KLHL6: variants seen among roughly 807,000 people sequenced by gnomAD.
KLHL6 encodes the protein kelch like family member 6, also known as kelch-like protein 6.
In KLHL6, 41 loss-of-function variants were observed where a neutral mutation model predicts 58.6. That is an observed-to-expected ratio of 0.70 (90% CI 0.55 to 0.91). KLHL6 has a LOEUF of 0.91. KLHL6 is among the 40% of genes least tolerant of loss of function. The pLI, the probability that KLHL6 is intolerant of heterozygous loss-of-function variation, is 0.00. For synonymous variants in KLHL6, 338 were observed against 322.7 expected, an observed-to-expected ratio of 1.05 and a Z score of -0.51; for missense variants, 714 against 805.6, an observed-to-expected ratio of 0.89 and a Z score of 1.38.
At chr3:183,532,934 C>G (rs980067035) in intron 1 of KLHL6, among the ~76,000 whole-genome samples, 3 of 152,144 alleles carry the variant, frequency 2.0e-5, no homozygotes, top group African/African-American at 7.2e-5. Context: ...TCAGATGAAC[C>G]CATAAAGAGC....
Position 183,491,983 on chromosome 3 carries a change from T to C in KLHL6, c.1810A>G (p.Ile604Val). Residue 604 changes from isoleucine (I) to valine (V), a missense_variant, in exon 7 of 7, where the codon ATC becomes GTC. By Grantham distance (29) the Ile-to-Val change is conservative. Transcript: ENST00000341319. ...CGGATGTGGGTGTACGACTTCCTGATGGTGACGCTGCCGTGGTGCGACACG... is the reference window on the plus strand; with the variant it reads ...CGGATGTGGGTGTACGACTTCCTGACGGTGACGCTGCCGTGGTGCGACACG... The part of the protein sequence containing the change: ...RGVSHHGSVT[I>V]RKSYTHIRRI... 6.3e-7 allele frequency: 1 copy of C among 1,575,724 alleles called. No individual in the cohort carries two copies. The highest frequency in any genetic ancestry group is 1.1e-5 in the South Asian group (1 of 87,310).
intron 3 of KLHL6, among the ~76,000 whole-genome samples, chr3:183,501,758 C>T (rs964331898): frequency 4.6e-5 from 7 of 152,228 alleles, no homozygotes; most frequent in Non-Finnish European, 1.0e-4. Context: ...CCCCAATCCA[C>T]TTACCCTTTA....
chr3:183,546,929 T>TG (rs1712739830), intron 1 of KLHL6, among the ~76,000 whole-genome samples: 3 of 150,690 alleles, frequency 2.0e-5, no homozygotes, highest in African/African-American at 7.4e-5. Flanking sequence ...TTTTTTTTTT[T>TG]GACGGAATCT....
At chr3:183,550,780 G>C (rs1481924441) in intron 1 of KLHL6, among the ~76,000 whole-genome samples, 1 of 151,882 alleles carries the variant, frequency 6.6e-6, no homozygotes, top group Non-Finnish European at 1.5e-5. Flanking sequence ...AACAGACCAA[G>C]ACCCTGTCTC....
chr3:183,541,369 A>T lies in KLHL6; in HGVS notation c.294-13359T>A, dbSNP rs374792811. On this transcript the variant is annotated intron_variant, in intron 1 of 6. Transcript: ENST00000341319. ...GGGGATGGGGAGCAGTTATGAATCT[A>T]GACGTGAAGGAGGAGCTGCCACAGT... Among the ~76,000 whole-genome samples the T allele has an allele frequency of 3.9e-5, 6 of 152,322 alleles. 1 individual carries two copies. The highest frequency in any genetic ancestry group is 1.4e-4 in the African/African-American group (6 of 41,576).
chr3:183,509,259 A>C (rs1021416302), intron 2 of KLHL6, among the ~76,000 whole-genome samples: 3 of 152,258 alleles, frequency 2.0e-5, no homozygotes, highest in African/African-American at 7.2e-5. Flanking sequence ...TTTGGTGCTA[A>C]TGAAACAATT....
At chr3:183,528,873 A>T (rs1712065447) in intron 1 of KLHL6, among the ~76,000 whole-genome samples, 1 of 152,210 alleles carries the variant, frequency 6.6e-6, no homozygotes. Context: ...CACTATTCGC[A>T]ATAGCAAAGA....
intron 5 of KLHL6, chr3:183,493,629 TG>T (rs1227435383): frequency 6.1e-6 from 1 of 165,200 alleles, no homozygotes; most frequent in African/African-American, 2.4e-5. Context: ...TCATCATCCA[TG>T]GGAAAATAAA....
At chr3:183,496,531 C>A (rs1291934260) in intron 4 of KLHL6, among the ~76,000 whole-genome samples, 4 of 152,058 alleles carry the variant, frequency 2.6e-5, no homozygotes, top group African/African-American at 9.7e-5. Context: ...ATGCCTACTG[C>A]AATATTTTTT....
intron 2 of KLHL6, among the ~76,000 whole-genome samples, chr3:183,518,909 A>T (rs180764045): frequency 2.7e-3 from 412 of 152,286 alleles, no homozygotes; most frequent in Admixed American, 6.8e-3. Flanking sequence ...CTAACAACAG[A>T]GTGAGAAGCA....
intron 2 of KLHL6, among the ~76,000 whole-genome samples, chr3:183,524,008 G>A (rs189150817): frequency 2.6e-3 from 400 of 152,256 alleles, no homozygotes; most frequent in East Asian, 0.019. Context: ...TGATGCACCC[G>A]CCTCAGCCTC....
chr3:183,499,602 C>A lies in KLHL6; in HGVS notation c.1135G>T (p.Val379Phe), dbSNP rs1193597162. 2 of 1,597,888 alleles carry A rather than the reference C, an allele frequency of 1.3e-6. No individual in the cohort carries two copies. The highest frequency in any genetic ancestry group is 1.7e-6 in the Non-Finnish European group (2 of 1,171,016). Residue 379 changes from valine (V) to phenylalanine (F), a missense_variant, in exon 4 of 7, where the codon GTC becomes TTC. By Grantham distance (50) the Val-to-Phe change is conservative. Coordinates refer to ENST00000341319, the MANE Select transcript of KLHL6 (RefSeq NM_130446.4). This position sits in a 1 kb window ranked among gnomAD's most constrained non-coding sequence, Gnocchi z 4.6. ...EFACVTLKNE[V>F]YISGGKETQH... ...GACTCCTGCTTACCTGAGATGTAGA[C>A]CTCATTTTTCAATGTCACGCATGCA...
chr3:183,501,796 C>T (rs1386704594), intron 3 of KLHL6, among the ~76,000 whole-genome samples: 2 of 152,218 alleles, frequency 1.3e-5, no homozygotes, highest in African/African-American at 4.8e-5. Context: ...TACCATGTCA[C>T]TTTGCCCTTT....
At chr3:183,515,712 T>C (rs1180700961) in intron 2 of KLHL6, among the ~76,000 whole-genome samples, 8 of 152,188 alleles carry the variant, frequency 5.3e-5, no homozygotes, top group Non-Finnish European at 1.2e-4. Flanking sequence ...TCCCCTTTTG[T>C]GGAGCACCCA....
At chr3:183,540,911 G>A (rs143044114) in intron 1 of KLHL6, among the ~76,000 whole-genome samples, 1 of 152,228 alleles carries the variant, frequency 6.6e-6, no homozygotes, top group East Asian at 1.9e-4. Context: ...CCTGGAGCAG[G>A]GTCCGCATTT....
chr3:183,524,935 T>C (rs1711899932), intron 2 of KLHL6, among the ~76,000 whole-genome samples: 1 of 152,176 alleles, frequency 6.6e-6, no homozygotes, highest in African/African-American at 2.4e-5. Context: ...CACTGATTCA[T>C]TTCATCATTC....
chr3:183,527,917 G>A lies in KLHL6; in HGVS notation c.387C>T (p.Tyr129=), dbSNP rs1021366720. ...DAETMHTLLD[Y]TYTSKALITK... is the part of the protein sequence containing the mutation. ...TGATCAGCGCCTTGCTGGTGTACGT[G>A]TAGTCCAACAGAGTGTGCATGGTCT... The change falls in exon 2 of 7, where the codon TAC becomes TAT. Residue 129 remains tyrosine, a synonymous_variant. Coordinates refer to ENST00000341319, the MANE Select transcript of KLHL6 (RefSeq NM_130446.4). 2.5e-6 allele frequency: 4 copies of A among 1,614,066 alleles called. No homozygotes were observed. Among genetic ancestry groups the A allele is most frequent in the Non-Finnish European group, 3.4e-6 (4 of 1,179,974 alleles).
chr3:183,555,318 T>C, intron 1 of KLHL6, 43 bp downstream of exon 1: 1 of 1,581,466 alleles, frequency 6.3e-7, no homozygotes, highest in South Asian at 1.1e-5. Context: ...ACCTCTTCCT[T>C]GCAACTTGCA....
At chr3:183,544,230 C>T (rs1212077135) in intron 1 of KLHL6, among the ~76,000 whole-genome samples, 4 of 146,732 alleles carry the variant, frequency 2.7e-5, no homozygotes, top group African/African-American at 7.6e-5. Context: ...GTGGCCTTAA[C>T]GTTTTCCATA....
Sources: gnomAD v4.1 joint callset for allele counts (sites outside exome capture counted in the v4.1 genomes callset) on GRCh38, gnomAD v4.1.1 for gene constraint, Gnocchi (gnomAD v3.1) non-coding constraint, MANE v1.5 for transcripts, NCBI Gene and HGNC (gene_info 2026-07-23, HGNC 2026-07-21) for gene names.